The following TASOR2 variants were observed in gnomAD, a reference collection of about 807,000 sequenced individuals.
The protein encoded by TASOR2 is transcription activation suppressor family member 2.
A neutral mutation model predicts 199.5 loss-of-function variants in TASOR2; 84 were observed. The observed-to-expected ratio is 0.42, with a 90% CI of 0.35 to 0.50. TASOR2 has a LOEUF of 0.50. Ranked by LOEUF, TASOR2 falls within the 20% of genes least tolerant of loss-of-function variation. TASOR2 has a pLI of 0.02. For missense variants in TASOR2, 2,796 were observed against 2,835.9 expected, an observed-to-expected ratio of 0.99 and a Z score of 0.32; for synonymous variants, 1,103 against 1,046.6, an observed-to-expected ratio of 1.05 and a Z score of -1.04.
rs773543752 is a variant in TASOR2, at chr10:5,747,561, T to C, written c.4140T>C (p.Ile1380=). 3.7e-6 allele frequency: 6 copies of C among 1,614,130 alleles called. No homozygotes were observed. In the South Asian group the frequency reaches 6.6e-5, roughly 18 times the overall value. ...CTAAAGAAAATTGCACCCTTGAGATTGCAGAGGAAATTAATGTGACCTCTG... is the reference window on the plus strand; with the variant it reads ...CTAAAGAAAATTGCACCCTTGAGATCGCAGAGGAAATTAATGTGACCTCTG... The change falls in exon 15 of 21, where the codon ATT becomes ATC. Residue 1380 remains isoleucine (I), a synonymous_variant. Transcript: ENST00000328090.
rs1333884563 is a variant in TASOR2 at position 5,687,133 on chromosome 10, G to T, written c.-288+1958G>T. Among the ~76,000 whole-genome samples, 2 of 152,060 alleles carry T rather than the reference G, an allele frequency of 1.3e-5. No homozygotes were observed. Among genetic ancestry groups the T allele is most frequent in the African/African-American group, 4.8e-5 (2 of 41,388 alleles). ...TAATATGTACTGACAAAGCGTATCTGTGTAATAAATATGCTTTTTGTCAGT... is the reference window on the plus strand; with the variant it reads ...TAATATGTACTGACAAAGCGTATCTTTGTAATAAATATGCTTTTTGTCAGT... On this transcript the variant is annotated intron_variant, in intron 1 of 20. Coordinates refer to ENST00000328090, the Ensembl canonical transcript of TASOR2. The surrounding 1 kb of genome is among the most constrained non-coding windows in gnomAD (Gnocchi z 4.8).
chr10:5,704,784 T>A (rs1838361201), intron 1 of TASOR2, among the ~76,000 whole-genome samples: 1 of 152,224 alleles, frequency 6.6e-6, no homozygotes, highest in Admixed American at 6.5e-5. Flanking sequence ...TAAGCTTAGA[T>A]CATGTTACTC....
In TASOR2 at chr10:5,747,218, CTG is replaced by C. The variant is rs1358539749; in HGVS notation, c.3800_3801del (p.Val1267GlufsTer2). 1 of 1,614,152 alleles carries C rather than the reference CTG, an allele frequency of 6.2e-7. No individual in the cohort carries two copies. The highest frequency in any genetic ancestry group is 8.5e-7 in the Non-Finnish European group (1 of 1,180,034). ...GTATTTATCAAACAAACAAGCCTGT[CTG>C]TGAGTAGAGAGGTCAGCCTAGAGTT... On this transcript the variant is annotated frameshift_variant, in exon 15 of 21. Transcript: ENST00000328090. LOFTEE classifies it high-confidence loss of function.
At chr10:5,712,782 A>T in intron 1 of TASOR2, 41 bp from the exon 2 acceptor site, 1 of 1,030,754 alleles carries the variant, frequency 9.7e-7, no homozygotes, top group Non-Finnish European at 1.2e-6. Flanking sequence ...ACAAAATAGT[A>T]TGTTTATAGC....
At position 5,706,029 on chromosome 10, in the gene TASOR2, C is replaced by T. The variant is rs1838548214; in HGVS notation, c.-287-6794C>T. 6.6e-6 allele frequency among the ~76,000 whole-genome samples: 1 copy of T among 151,958 alleles called. No individual in the cohort carries two copies. Among genetic ancestry groups the T allele is most frequent in the Non-Finnish European group, 1.5e-5 (1 of 67,954 alleles). ...AGTTTTTATGTTTAGGTCTGTGATT[C>T]ATTTTGAGTTAAATTTTATGGTTTA... On this transcript the variant is annotated intron_variant, in intron 1 of 20. Coordinates refer to ENST00000328090, the Ensembl canonical transcript of TASOR2. This position sits in a 1 kb window ranked among gnomAD's most constrained non-coding sequence, Gnocchi z 4.8.
intron 1 of TASOR2, among the ~76,000 whole-genome samples, chr10:5,696,654 C>G (rs1002555872): frequency 6.6e-6 from 1 of 152,072 alleles, no homozygotes; most frequent in African/African-American, 2.4e-5. Flanking sequence ...GGTGCCTGGC[C>G]CTAGTCAGCT....
At chr10:5,696,015 C>T (rs983944308) in intron 1 of TASOR2, among the ~76,000 whole-genome samples, 3 of 152,168 alleles carry the variant, frequency 2.0e-5, no homozygotes, top group African/African-American at 7.2e-5. Context: ...TCTACCTTGA[C>T]GGAAGACTGA....
intron 1 of TASOR2, among the ~76,000 whole-genome samples, chr10:5,708,017 C>T (rs961248536): frequency 2.6e-5 from 4 of 152,082 alleles, no homozygotes; most frequent in African/African-American, 9.7e-5. Flanking sequence ...GCTACTTTTC[C>T]TAAAAAATTT....
At chr10:5,704,064 A>G (rs1257581399) in intron 1 of TASOR2, among the ~76,000 whole-genome samples, 1 of 151,764 alleles carries the variant, frequency 6.6e-6, no homozygotes, top group Non-Finnish European at 1.5e-5. Context: ...TCTCTACTAA[A>G]AATACAAAAA....
chr10:5,725,126 G>A (rs575110784), intron 8 of TASOR2, among the ~76,000 whole-genome samples: 50 of 152,230 alleles, frequency 3.3e-4, no homozygotes, highest in African/African-American at 1.1e-3. Context: ...ACGGCCAGGC[G>A]TGGTGGTTCA....
intron 19 of TASOR2, among the ~76,000 whole-genome samples, chr10:5,762,245 T>G (rs1317560232): frequency 1.2e-5 from 1 of 86,796 alleles, no homozygotes; most frequent in Non-Finnish European, 2.3e-5. Context: ...CAAGACCCTA[T>G]CTATCTTTAA....
intron 19 of TASOR2, 24 bp from the exon 21 acceptor site, chr10:5,762,508 G>GTGT: frequency 2.1e-6 from 1 of 486,718 alleles, no homozygotes. Flanking sequence ...TTAACCAAAA[G>GTGT]TTGTTTTTTT....
intron 11 of TASOR2, among the ~76,000 whole-genome samples, chr10:5,731,913 C>G (rs2890365): frequency 6.6e-6 from 1 of 151,992 alleles, no homozygotes; most frequent in Non-Finnish European, 1.5e-5. Context: ...CAACACCTAT[C>G]GAGAGGAGGG....
At chr10:5,757,144 C>A (rs1413439601) in intron 16 of TASOR2, among the ~76,000 whole-genome samples, 1 of 152,226 alleles carries the variant, frequency 6.6e-6, no homozygotes, top group Non-Finnish European at 1.5e-5. Context: ...GTGCATAAAC[C>A]TGCCGTCATC....
intron 19 of TASOR2, 24 bp from the exon 21 acceptor site, chr10:5,762,508 G>GTT (rs148906161): frequency 0.08 from 38,743 of 482,616 alleles, 3,789 homozygotes; most frequent in East Asian, 0.28. Flanking sequence ...TTAACCAAAA[G>GTT]TTGTTTTTTT....
chr10:5,713,909 T>A (rs1320139889), intron 2 of TASOR2: 3 of 316,476 alleles, frequency 9.5e-6, no homozygotes, highest in Non-Finnish European at 1.7e-5. Context: ...TTAAAGCTTA[T>A]GGATTAGGCC....
intron 12 of TASOR2, among the ~76,000 whole-genome samples, chr10:5,739,281 A>C (rs891445631): frequency 6.6e-6 from 1 of 152,122 alleles, no homozygotes; most frequent in African/African-American, 2.4e-5. Flanking sequence ...GCTGAGCTGT[A>C]TGTCTTCTGT....
Position 5,757,814 on chromosome 10 carries a change from C to T in TASOR2, c.6886+141C>T, listed in dbSNP as rs549116062. ...CCTACTGAGGCATAATTTCTGCTGT[C>T]TGCTGTGCTCTTTTCATACAGTGAT... On this transcript the variant is annotated intron_variant, in intron 17 of 20. Transcript: ENST00000328090. 18 of 797,418 alleles carry T rather than the reference C, an allele frequency of 2.3e-5. No homozygotes were observed. The South Asian group carries it at 2.8e-4, about 13-fold the overall frequency. 49.4% of individuals were successfully genotyped at this position (797,418 alleles called of 1,614,324 possible). A position where few individuals can be genotyped will look rare whatever the true frequency, so the allele number is the denominator to read the frequency against.
chr10:5,692,046 A>G (rs1836485267), intron 1 of TASOR2, among the ~76,000 whole-genome samples: 1 of 149,918 alleles, frequency 6.7e-6, no homozygotes, highest in Non-Finnish European at 1.5e-5. Context: ...GTGGCGGCCC[A>G]TACCTGTAAT....
Sources: gnomAD v4.1 joint callset for allele counts (sites outside exome capture counted in the v4.1 genomes callset) on GRCh38, gnomAD v4.1.1 for gene constraint, Gnocchi (gnomAD v3.1) non-coding constraint, MANE v1.5 for transcripts, NCBI Gene and HGNC (gene_info 2026-07-23, HGNC 2026-07-21) for gene names.